The following DRICH1 variants were observed in gnomAD, a reference collection of about 807,000 sequenced individuals.
DRICH1 encodes the protein aspartate rich 1, also known as aspartate-rich protein 1.
Under a neutral mutation model 39.5 loss-of-function variants are expected in DRICH1, and 38 were observed. That is an observed-to-expected ratio of 0.96 (90% confidence interval 0.74 to 1.26). The LOEUF (loss-of-function observed/expected upper bound fraction) is 1.26, where lower values mean the gene tolerates loss of function less well. Among genes scored for constraint, DRICH1 ranks in the 50% most tolerant of loss-of-function variants. The pLI, the probability that DRICH1 is intolerant of heterozygous loss-of-function variation, is 0.00. For synonymous variants in DRICH1, 84 were observed against 99.5 expected, an observed-to-expected ratio of 0.84 and a Z score of 0.93; for missense variants, 279 against 270.4, an observed-to-expected ratio of 1.03 and a Z score of -0.22.
the DRICH1 span, among the ~76,000 whole-genome samples, chr22:23,588,599 C>G: frequency 1.3e-5 from 2 of 152,190 alleles, no homozygotes; most frequent in African/African-American, 4.8e-5. Flanking sequence ...CCAGCAGGTG[C>G]CTAGGGCCAC....
rs376749416 is a variant in DRICH1, at chr22:23,613,316, T to C, written c.658A>G (p.Ser220Gly). Residue 220 changes from serine to glycine, a missense_variant, in exon 11 of 12, where the codon AGT becomes GGT. Ser to Gly is a moderately conservative substitution (Grantham distance 56). Coordinates refer to ENST00000317749, the MANE Select transcript of DRICH1 (RefSeq NM_016449.4). The stretch of plus-strand genomic sequence containing the variant: ...GGATGAATCTCTTCATCACTTAGAC[T>C]CTCCAGCGTCAAGTCTTTAGAAACA... ...ARIESDLTLE[S>G]LSDEEIHPG is the part of the protein sequence containing the mutation. 3 of 1,613,230 alleles carry C rather than the reference T, an allele frequency of 1.9e-6. No homozygotes were observed. Among genetic ancestry groups the C allele is most frequent in the Non-Finnish European group, 2.5e-6 (3 of 1,179,468 alleles).
chr22:23,596,742 C>G, the DRICH1 span, among the ~76,000 whole-genome samples: 1 of 152,168 alleles, frequency 6.6e-6, no homozygotes, highest in African/African-American at 2.4e-5. Context: ...ACTTTGATTT[C>G]AGTGCTTTTA....
chr22:23,624,844 G>A (rs1416118635), intron 3 of DRICH1, 39 bp downstream of exon 3: 1 of 1,605,164 alleles, frequency 6.2e-7, no homozygotes, highest in African/African-American at 1.3e-5. Flanking sequence ...AAGCTAGCAA[G>A]TTTGTTTCTC....
At chr22:23,592,835 T>TACACACAC in the DRICH1 span, among the ~76,000 whole-genome samples, 820 of 135,218 alleles carry the variant, frequency 6.1e-3, 4 homozygotes, top group African/African-American at 7.3e-3. Context: ...CTATTAAAAA[T>TACACACAC]ACACACACAC....
chr22:23,616,865 A>G lies in DRICH1; in HGVS notation c.529T>C (p.Ser177Pro). 1 of 1,614,098 alleles carries G rather than the reference A, an allele frequency of 6.2e-7. No homozygotes were observed. The highest frequency in any genetic ancestry group is 8.5e-7 in the Non-Finnish European group (1 of 1,179,940). Residue 177 changes from serine to proline, a missense_variant, in exon 8 of 12, where the codon TCA (serine) becomes CCA (proline). Coordinates refer to ENST00000317749, the MANE Select transcript of DRICH1 (RefSeq NM_016449.4). ...DDDDDAQILPSPVQACSEDSL... is the reference protein window; with the variant it reads ...DDDDDAQILPPPVQACSEDSL... ...TCAAGGTACATACCCTGGACAGGTG[A>G]CGGTAAAATCTGCAATGAGATAAAA... is the stretch of plus-strand genomic sequence containing the variant.
At chr22:23,620,010 C>G (rs1391621070) in intron 5 of DRICH1, among the ~76,000 whole-genome samples, 3 of 151,992 alleles carry the variant, frequency 2.0e-5, no homozygotes, top group Non-Finnish European at 2.9e-5. Context: ...TTTTGCAGTG[C>G]CAGAGGCAGA....
In DRICH1 at chr22:23,619,348, T is replaced by G; in HGVS notation, c.436+16A>C. The G allele has an allele frequency of 1.3e-6, 1 of 780,714 alleles. No individual in the cohort carries two copies. The highest frequency in any genetic ancestry group is 2.4e-6 in the Non-Finnish European group (1 of 417,956). 48.4% of individuals were successfully genotyped at this position (780,714 alleles called of 1,614,324 possible). ...TGACTAACACACAATACTACACACA[T>G]GATCTACAGACTCACAAGAACTGCT... On this transcript the variant is annotated intron_variant, in intron 6 of 11. Transcript: ENST00000317749.
At chr22:23,591,532 C>T in the DRICH1 span, among the ~76,000 whole-genome samples, 16 of 152,108 alleles carry the variant, frequency 1.1e-4, no homozygotes, top group Non-Finnish European at 2.2e-4. Context: ...CTACTCCAAG[C>T]GCTTCCCACT....
rs1920990074 is a variant in DRICH1, at chr22:23,631,900, T to C, written c.124A>G (p.Thr42Ala). The C allele has an allele frequency of 6.2e-7, 1 of 1,613,450 alleles. No homozygotes were observed. The highest frequency in any genetic ancestry group is 1.8e-4 in the Middle Eastern group (1 of 5,460). ...TCCAGCTTGCCAGGCTCTACAGTAG[T>C]GGATTCTGATGTTGCAGCAGCCACA... ...ETVAAATSES[T>A]TVEPGKLDVG... Residue 42 changes from threonine (T) to alanine (A), a missense_variant, in exon 1 of 12, where the codon ACT becomes GCT. Transcript: ENST00000317749.
intron 3 of DRICH1, chr22:23,624,368 C>G: frequency 1.0e-6 from 1 of 981,328 alleles, no homozygotes; most frequent in Non-Finnish European, 1.2e-6. Context: ...ACACAGGATA[C>G]TCAATAGCCC....
At chr22:23,589,089 GAC>G in the DRICH1 span, among the ~76,000 whole-genome samples, 11,098 of 143,724 alleles carry the variant, frequency 0.077, 528 homozygotes, top group Non-Finnish European at 0.097. Flanking sequence ...TCTCCCAGCT[GAC>G]ACACACACAC....
At chr22:23,630,396 G>A (rs1170593345) in intron 1 of DRICH1, among the ~76,000 whole-genome samples, 1 of 148,114 alleles carries the variant, frequency 6.8e-6, no homozygotes, top group African/African-American at 2.5e-5. Flanking sequence ...CAAAATCTGG[G>A]TTCATTCCTT....
At chr22:23,628,561 C>T (rs1281378183) in intron 1 of DRICH1, among the ~76,000 whole-genome samples, 1 of 152,204 alleles carries the variant, frequency 6.6e-6, no homozygotes, top group East Asian at 1.9e-4. Flanking sequence ...CAGAGTGAGA[C>T]TCCACCTCAA....
At position 23,622,152 on chromosome 22, in the gene DRICH1, A is replaced by G; in HGVS notation, c.323T>C (p.Leu108Ser). The change falls in exon 4 of 12, where the codon TTA becomes TCA. Residue 108 changes from leucine (L) to serine (S), a missense_variant. Transcript: ENST00000317749. Reference sequence around the variant, plus strand: ...ATCTTCACTTCGTGGTAGGCATACTAAACTCAGGTTGTCCTCAGAAGAACC... The same window carrying G: ...ATCTTCACTTCGTGGTAGGCATACTGAACTCAGGTTGTCCTCAGAAGAACC... ...VQGSSEDNLS[L>S]VCLPRSEDDD... 6.2e-7 allele frequency: 1 copy of G among 1,614,108 alleles called. No homozygotes were observed. The highest frequency in any genetic ancestry group is 8.5e-7 in the Non-Finnish European group (1 of 1,179,968).
chr22:23,624,263 C>G (rs1927929955), intron 3 of DRICH1: 1 of 985,264 alleles, frequency 1.0e-6, no homozygotes, highest in Non-Finnish European at 1.2e-6. Flanking sequence ...TCCCAAACCA[C>G]AGGCTCTGAG....
In DRICH1 at chr22:23,614,123, G is replaced by A. The variant is rs766287574; in HGVS notation, c.621+12C>T. 19 of 1,583,512 alleles carry A rather than the reference G, an allele frequency of 1.2e-5. No individual in the cohort carries two copies. Among genetic ancestry groups the A allele is most frequent in the Admixed American group, 6.7e-5 (4 of 59,324 alleles). ...AACATTGCTGTAGAAGACAAAAAAA[G>A]GGAGGTCTTACGTGGATGTCATCAT... On this transcript the variant is annotated intron_variant, in intron 9 of 11. Coordinates refer to ENST00000317749, the MANE Select transcript of DRICH1 (RefSeq NM_016449.4).
the DRICH1 span, chr22:23,580,969 G>C: frequency 6.6e-6 from 1 of 152,164 alleles, no homozygotes; most frequent in African/African-American, 2.4e-5. Context: ...AACCACCCCA[G>C]CTTCCTGAAG....
intron 8 of DRICH1, among the ~76,000 whole-genome samples, chr22:23,616,617 G>A (rs1466809581): frequency 4.6e-5 from 7 of 152,146 alleles, no homozygotes; most frequent in Non-Finnish European, 4.4e-5. Flanking sequence ...AAGTCAGTGA[G>A]AGGTGCACTC....
At chr22:23,593,835 G>A in the DRICH1 span, among the ~76,000 whole-genome samples, 3 of 151,842 alleles carry the variant, frequency 2.0e-5, no homozygotes, top group Admixed American at 6.6e-5. Context: ...AAAATTAGCC[G>A]GGCGTGGTGG....
Sources: gnomAD v4.1 joint callset for allele counts (sites outside exome capture counted in the v4.1 genomes callset) on GRCh38, gnomAD v4.1.1 for gene constraint, MANE v1.5 for transcripts, NCBI Gene and HGNC (gene_info 2026-07-23, HGNC 2026-07-21) for gene names.